The following ASIC2 variants were observed in gnomAD, a reference collection of about 807,000 sequenced individuals.
The protein encoded by ASIC2 is acid-sensing ion channel 2.
ASIC2 carries 25 observed loss-of-function variants against 57.3 expected under a neutral mutation model. That is an observed-to-expected ratio of 0.44 (90% confidence interval 0.32 to 0.61). ASIC2 has a LOEUF of 0.61. Ranked by LOEUF, ASIC2 falls within the 20% of genes least tolerant of loss-of-function variation. The pLI is 0.06. For missense variants in ASIC2, 641 were observed against 738.1 expected (o/e 0.87, Z 1.52); for synonymous variants, 319 against 307.5 (o/e 1.04, Z -0.39).
chr17:33,114,670 A>C (rs1414691940), intron 1 of ASIC2, among the ~76,000 whole-genome samples: 1 of 152,220 alleles, frequency 6.6e-6, no homozygotes, highest in East Asian at 1.9e-4. Flanking sequence ...CCATTGGTGA[A>C]GGTGTTGACC....
At chr17:33,110,881 C>T (rs544342235) in intron 2 of ASIC2, among the ~76,000 whole-genome samples, 15 of 152,320 alleles carry the variant, frequency 9.8e-5, no homozygotes, top group Admixed American at 9.1e-4. Context: ...TCCCCTCCCA[C>T]TCCCCTGCAG....
intron 1 of ASIC2, among the ~76,000 whole-genome samples, chr17:33,442,316 C>T (rs1015933157): frequency 6.6e-6 from 1 of 152,102 alleles, no homozygotes; most frequent in Non-Finnish European, 1.5e-5. Context: ...TCTAAAGAAG[C>T]CTGATGGGAA....
At chr17:33,763,047 G>A (rs1262152069) in intron 1 of ASIC2, among the ~76,000 whole-genome samples, 4 of 152,182 alleles carry the variant, frequency 2.6e-5, no homozygotes, top group Non-Finnish European at 5.9e-5. Context: ...CTTGACCAAT[G>A]TTACACAGTT....
intron 1 of ASIC2, among the ~76,000 whole-genome samples, chr17:33,849,242 G>T (rs144510467): frequency 6.6e-6 from 1 of 152,300 alleles, no homozygotes; most frequent in East Asian, 1.9e-4. Flanking sequence ...GATCCTGGAA[G>T]CACAGAGGGC....
In ASIC2 at chr17:33,509,242, T is replaced by C. The variant is rs201887120; in HGVS notation, c.556-397175A>G. On this transcript the variant is annotated intron_variant, in intron 1 of 9. Transcript: ENST00000359872. The stretch of plus-strand genomic sequence containing the variant: ...CACCTGCCTAGAACTGACTTTGGAC[T>C]TTAGCATGTAGGTAATGGGGACCAT... Among the ~76,000 whole-genome samples, 16 of 152,262 alleles carry C rather than the reference T, an allele frequency of 1.1e-4. No individual in the cohort carries two copies. The East Asian group carries it at 3.1e-3, about 29-fold the overall frequency.
At chr17:33,830,048 C>T (rs746186455) in intron 1 of ASIC2, among the ~76,000 whole-genome samples, 14 of 152,280 alleles carry the variant, frequency 9.2e-5, no homozygotes, top group Middle Eastern at 3.4e-3. Context: ...GAGGATTTCA[C>T]CCTATTCATA....
intron 1 of ASIC2, among the ~76,000 whole-genome samples, chr17:33,523,840 A>G (rs1197278642): frequency 2.6e-5 from 4 of 152,198 alleles, no homozygotes; most frequent in African/African-American, 9.7e-5. Context: ...ACTGGGCTGC[A>G]ATCTCAGAAC....
intron 1 of ASIC2, 188 bp from the exon 2 acceptor site, chr17:33,112,255 G>T: frequency 1.4e-6 from 1 of 711,804 alleles, no homozygotes; most frequent in East Asian, 3.0e-5. Flanking sequence ...TGAAATTTTG[G>T]CATCAAAGAG....
intron 1 of ASIC2, among the ~76,000 whole-genome samples, chr17:33,999,043 A>G (rs1285363439): frequency 6.6e-6 from 1 of 151,948 alleles, no homozygotes. Flanking sequence ...AGGTGTTCCA[A>G]TGTTGGATGT....
At chr17:33,232,223 T>G (rs1908118415) in intron 1 of ASIC2, among the ~76,000 whole-genome samples, 1 of 152,110 alleles carries the variant, frequency 6.6e-6, no homozygotes, top group Non-Finnish European at 1.5e-5. Context: ...CCTTTTCCCG[T>G]GCCATGCAAG....
At chr17:33,510,841 T>C (rs1285630060) in intron 1 of ASIC2, among the ~76,000 whole-genome samples, 1 of 152,000 alleles carries the variant, frequency 6.6e-6, no homozygotes, top group Non-Finnish European at 1.5e-5. Flanking sequence ...CACGAGGCCT[T>C]GTGAACCCAC....
At chr17:33,699,682 AG>A (rs1385584157) in intron 1 of ASIC2, among the ~76,000 whole-genome samples, 1 of 152,214 alleles carries the variant, frequency 6.6e-6, no homozygotes, top group African/African-American at 2.4e-5. Flanking sequence ...TCTACACCAC[AG>A]ATACAGTACC....
chr17:34,011,038 C>CATAG (rs1906724780), intron 1 of ASIC2, among the ~76,000 whole-genome samples: 1 of 151,318 alleles, frequency 6.6e-6, no homozygotes, highest in African/African-American at 2.4e-5. Flanking sequence ...CACATGCACA[C>CATAG]ACACACACAC....
rs7207679 is a variant in ASIC2 at position 33,324,817 on chromosome 17, A to G, written c.556-212750T>C. On this transcript the variant is annotated intron_variant, in intron 1 of 9. Transcript: ENST00000359872. ...CCATGGGAAAGGAGATATGAAGCCC[A>G]TGCTAATCATTCCTACAGACTTCCA... 4.0e-3 allele frequency among the ~76,000 whole-genome samples: 612 copies of G among 152,302 alleles called. 3 individuals are homozygous for G. Among genetic ancestry groups the G allele is most frequent in the African/African-American group, 0.014 (567 of 41,568 alleles).
intron 1 of ASIC2, among the ~76,000 whole-genome samples, chr17:33,605,084 C>T (rs776930314): frequency 6.6e-6 from 1 of 152,012 alleles, no homozygotes; most frequent in Non-Finnish European, 1.5e-5. Flanking sequence ...CAGCAGAAAT[C>T]CTGACACTCT....
At chr17:34,128,252 G>T (rs776889725) in intron 1 of ASIC2, among the ~76,000 whole-genome samples, 28 of 152,154 alleles carry the variant, frequency 1.8e-4, no homozygotes, top group Non-Finnish European at 3.1e-4. Flanking sequence ...TATCAAAGTG[G>T]CCCGTGGGAT....
chr17:33,279,788 G>C (rs1334944013), intron 1 of ASIC2, among the ~76,000 whole-genome samples: 1 of 152,074 alleles, frequency 6.6e-6, no homozygotes, highest in Non-Finnish European at 1.5e-5. Context: ...TATATTTTAA[G>C]AGTGTGAGAT....
chr17:33,763,451 C>G (rs928974360), intron 1 of ASIC2, among the ~76,000 whole-genome samples: 1 of 152,166 alleles, frequency 6.6e-6, no homozygotes, highest in African/African-American at 2.4e-5. Flanking sequence ...TCCTCTGGTT[C>G]CATAGCAGAA....
chr17:33,448,259 T>C (rs1567616279), intron 1 of ASIC2, among the ~76,000 whole-genome samples: 1 of 152,182 alleles, frequency 6.6e-6, no homozygotes. Flanking sequence ...TATATTTCAA[T>C]TGCTCATCTG....
Sources: allele counts gnomAD v4.1 joint callset (sites outside exome capture counted in the v4.1 genomes callset), GRCh38; gene constraint gnomAD v4.1.1; transcripts MANE v1.5; gene names NCBI Gene and HGNC (gene_info 2026-07-23, HGNC 2026-07-21).